Variants in ZHX2 observed in about 807,000 individuals in gnomAD.
ZHX2 encodes zinc fingers and homeoboxes 2, also known as zinc fingers and homeoboxes protein 2.
ZHX2 carries 6 observed loss-of-function variants against 21.9 expected under a neutral mutation model. The ratio of observed to expected loss-of-function variants is 0.27; its 90% CI spans 0.15 to 0.54. ZHX2 has a LOEUF of 0.54. ZHX2 is among the 20% of genes least tolerant of loss of function. The probability of loss-of-function intolerance (pLI) is 0.95; values close to 1 mark genes in which losing one functional copy is unlikely to be tolerated. For missense variants in ZHX2, 908 were observed against 1,090.7 expected (o/e 0.83, Z 2.36); for synonymous variants, 434 against 437.1 (o/e 0.99, Z 0.09).
At chr8:122,911,777 T>G (rs1249505314) in intron 2 of ZHX2, among the ~76,000 whole-genome samples, 1 of 152,140 alleles carries the variant, frequency 6.6e-6, no homozygotes, top group African/African-American at 2.4e-5. Flanking sequence ...CGAGCCTATG[T>G]GGTGGGACTT....
At chr8:122,956,440 G>A (rs904579144) in intron 3 of ZHX2, among the ~76,000 whole-genome samples, 3 of 152,174 alleles carry the variant, frequency 2.0e-5, no homozygotes, top group Admixed American at 2.0e-4. Flanking sequence ...CTGGGTCAGG[G>A]CTCAGAGGAG....
At chr8:122,967,974 G>A (rs976675723) in intron 3 of ZHX2, among the ~76,000 whole-genome samples, 2 of 152,036 alleles carry the variant, frequency 1.3e-5, no homozygotes, top group East Asian at 1.9e-4. Flanking sequence ...AGGGTTAGGC[G>A]AGTCTGAGCT....
chr8:122,795,647 A>T (rs191776839), intron 1 of ZHX2, among the ~76,000 whole-genome samples: 3 of 152,158 alleles, frequency 2.0e-5, no homozygotes, highest in African/African-American at 7.2e-5. Context: ...CATTGAACCA[A>T]GCATGTTGTA....
chr8:122,858,333 T>A (rs1819078766), intron 1 of ZHX2, among the ~76,000 whole-genome samples: 1 of 152,228 alleles, frequency 6.6e-6, no homozygotes, highest in Non-Finnish European at 1.5e-5. Flanking sequence ...TGGGATAAAC[T>A]TCGTAAGAGG....
intron 1 of ZHX2, among the ~76,000 whole-genome samples, chr8:122,801,814 A>G (rs930291213): frequency 6.6e-6 from 1 of 152,158 alleles, no homozygotes; most frequent in Non-Finnish European, 1.5e-5. Flanking sequence ...CCCTAAACGC[A>G]CATCTGGAGG....
At chr8:122,866,331 C>G (rs113353855) in intron 2 of ZHX2, among the ~76,000 whole-genome samples, 7 of 152,144 alleles carry the variant, frequency 4.6e-5, no homozygotes, top group Admixed American at 6.5e-5. Context: ...CACTCCCCCC[C>G]ACCCCAGGAT....
In ZHX2 at chr8:122,904,385, C is replaced by T. The variant is rs529672416; in HGVS notation, c.-220+40846C>T. On this transcript the variant is annotated intron_variant, in intron 2 of 3. Coordinates refer to ENST00000314393, the MANE Select transcript of ZHX2 (RefSeq NM_014943.5). ...TATAGCAAGCCTCCCCAGTCTCCCC[C>T]TTCTTTACAGCAGGGTGGTGTCAGA... Among the ~76,000 whole-genome samples the T allele has an allele frequency of 3.3e-5, 5 of 152,324 alleles. No individual in the cohort carries two copies. The East Asian group carries it at 9.6e-4, about 29-fold the overall frequency.
At position 122,952,022 on chromosome 8, in the gene ZHX2, G is replaced by C; in HGVS notation, c.512G>C (p.Gly171Ala). The C allele has an allele frequency of 6.2e-7, 1 of 1,613,338 alleles. No homozygotes were observed. The highest frequency in any genetic ancestry group is 8.5e-7 in the Non-Finnish European group (1 of 1,179,914). ...GTGTCCATCACCACCAGTGGCCCTG[G>C]AACTGGTGACAGTGATTCTGGGATC... The part of the protein sequence containing the change: ...HVVSITTSGP[G>A]TGDSDSGISV... Residue 171 changes from glycine (G) to alanine (A), a missense_variant, in exon 3 of 4, where the codon GGA becomes GCA. Gly to Ala is a moderately conservative substitution (Grantham distance 60). Coordinates refer to ENST00000314393, the MANE Select transcript of ZHX2 (RefSeq NM_014943.5). This position sits in a 1 kb window ranked among gnomAD's most constrained non-coding sequence, Gnocchi z 6.9.
intron 2 of ZHX2, among the ~76,000 whole-genome samples, chr8:122,927,575 C>G (rs1367655949): frequency 6.6e-6 from 1 of 152,102 alleles, no homozygotes; most frequent in Non-Finnish European, 1.5e-5. Context: ...CTGGGGAGAC[C>G]TCACAATCAT....
At chr8:122,926,998 T>G (rs150773236) in intron 2 of ZHX2, among the ~76,000 whole-genome samples, 1 of 152,214 alleles carries the variant, frequency 6.6e-6, no homozygotes, top group African/African-American at 2.4e-5. Context: ...CATCTTTTTT[T>G]GGCATATAAG....
intron 3 of ZHX2, 71 bp from the exon 4 acceptor site, chr8:122,973,171 A>G (rs760186130): frequency 1.3e-5 from 2 of 152,410 alleles, no homozygotes; most frequent in African/African-American, 4.8e-5. Context: ...GAAGCAAACC[A>G]TGATGCCTTC....
chr8:122,925,187 G>C (rs891436163), intron 2 of ZHX2, among the ~76,000 whole-genome samples: 22 of 152,226 alleles, frequency 1.4e-4, no homozygotes, highest in African/African-American at 4.6e-4. Flanking sequence ...GATGGAACTT[G>C]TTACACAGTT....
intron 1 of ZHX2, among the ~76,000 whole-genome samples, chr8:122,843,730 C>T (rs984721205): frequency 1.3e-5 from 2 of 152,090 alleles, no homozygotes; most frequent in African/African-American, 2.4e-5. Flanking sequence ...GGCACCGGAT[C>T]GCAGAGAATG....
intron 1 of ZHX2, among the ~76,000 whole-genome samples, chr8:122,790,694 G>A (rs769048794): frequency 3.3e-5 from 5 of 152,040 alleles, no homozygotes; most frequent in South Asian, 2.1e-4. Flanking sequence ...TGCAACCTCC[G>A]CCTCCTGGGT....
At chr8:122,922,346 C>G (rs1820760887) in intron 2 of ZHX2, among the ~76,000 whole-genome samples, 1 of 151,062 alleles carries the variant, frequency 6.6e-6, no homozygotes, top group Non-Finnish European at 1.5e-5. Context: ...TGTTATGAAA[C>G]TGGAAGAAAA....
chr8:122,891,269 A>ATT (rs1422115154), intron 2 of ZHX2, among the ~76,000 whole-genome samples: 1 of 138,744 alleles, frequency 7.2e-6, no homozygotes, highest in Non-Finnish European at 1.6e-5. Context: ...ATCTTGGTAG[A>ATT]TTGTGTGTGT....
chr8:122,936,374 T>C (rs1229058679), intron 2 of ZHX2, among the ~76,000 whole-genome samples: 1 of 152,216 alleles, frequency 6.6e-6, no homozygotes, highest in Non-Finnish European at 1.5e-5. Flanking sequence ...TTTTCTTGAT[T>C]GGCAAGGTTA....
At chr8:122,954,085 T>C (rs1813231663) in intron 3 of ZHX2, 57 bp downstream of exon 3, 3 of 1,454,020 alleles carry the variant, frequency 2.1e-6, no homozygotes, top group South Asian at 2.8e-5. Context: ...TTTCTTTTCG[T>C]TGCCAGGGTT....
At chr8:122,907,546 G>A (rs1820378711) in intron 2 of ZHX2, among the ~76,000 whole-genome samples, 1 of 152,182 alleles carries the variant, frequency 6.6e-6, no homozygotes, top group Non-Finnish European at 1.5e-5. Context: ...TTTCCTTAGT[G>A]ATTTGGGGGG....
Sources: gnomAD v4.1 joint callset for allele counts (sites outside exome capture counted in the v4.1 genomes callset) on GRCh38, gnomAD v4.1.1 for gene constraint, Gnocchi (gnomAD v3.1) non-coding constraint, MANE v1.5 for transcripts, NCBI Gene and HGNC (gene_info 2026-07-23, HGNC 2026-07-21) for gene names.